CARMIL1: variants seen among roughly 807,000 people sequenced by gnomAD.
CARMIL1 encodes F-actin-uncapping protein LRRC16A.
A neutral mutation model predicts 177.1 loss-of-function variants in CARMIL1; 90 were observed. That is an observed-to-expected ratio of 0.51 (90% CI 0.43 to 0.61). CARMIL1 has a LOEUF of 0.61. Among genes scored for constraint, CARMIL1 ranks in the 20% least tolerant of loss-of-function variants. The pLI is 0.00. For synonymous variants in CARMIL1, 577 were observed against 606.2 expected (o/e 0.95, Z 0.71); for missense variants, 1,380 against 1,667.0 (o/e 0.83, Z 3.00).
chr6:25,313,630 C>G (rs1310161806), intron 2 of CARMIL1, among the ~76,000 whole-genome samples: 1 of 147,002 alleles, frequency 6.8e-6, no homozygotes, highest in South Asian at 2.2e-4. Context: ...GGACAGAGAC[C>G]TTGTATACAT....
At chr6:25,453,790 T>C (rs950528240) in intron 8 of CARMIL1, among the ~76,000 whole-genome samples, 2 of 152,164 alleles carry the variant, frequency 1.3e-5, no homozygotes, top group Non-Finnish European at 2.9e-5. Flanking sequence ...CCTGAATGAA[T>C]CTCAGGGTCC....
chr6:25,324,181 G>C (rs1784894912), intron 2 of CARMIL1, among the ~76,000 whole-genome samples: 1 of 152,210 alleles, frequency 6.6e-6, no homozygotes, highest in Non-Finnish European at 1.5e-5. Flanking sequence ...CTGCCACAGA[G>C]GGTAGCAAAT....
intron 2 of CARMIL1, among the ~76,000 whole-genome samples, chr6:25,375,598 T>A (rs886156899): frequency 6.6e-6 from 1 of 152,218 alleles, no homozygotes; most frequent in Admixed American, 6.5e-5. Context: ...ATTTTTTGCT[T>A]TCTCTTCTCC....
chr6:25,291,297 G>A (rs1410315006), intron 2 of CARMIL1, among the ~76,000 whole-genome samples: 1 of 152,068 alleles, frequency 6.6e-6, no homozygotes, highest in African/African-American at 2.4e-5. Context: ...TTAACATAAA[G>A]TATAAACTCT....
intron 26 of CARMIL1, among the ~76,000 whole-genome samples, chr6:25,546,847 C>T (rs1373854802): frequency 2.6e-5 from 4 of 151,444 alleles, no homozygotes; most frequent in Admixed American, 6.6e-5. Context: ...GTCAGGAGTT[C>T]GAGACCAGCC....
Position 25,510,813 on chromosome 6 carries a change from T to G in CARMIL1, c.1632+51T>G. On this transcript the variant is annotated intron_variant, in intron 20 of 36. Transcript: ENST00000329474. ...TAAAATCTTCTGTTTGTTGCCATTC[T>G]TACTGATTATTTCTACTGGATTAAT... 9.4e-6 allele frequency: 10 copies of G among 1,065,702 alleles called. No homozygotes were observed. In the South Asian group the frequency reaches 1.4e-4, roughly 15 times the overall value. 66.0% of individuals were successfully genotyped at this position (1,065,702 alleles called of 1,614,324 possible). A position where few individuals can be genotyped will look rare whatever the true frequency, so the allele number is the denominator to read the frequency against.
chr6:25,344,855 T>G (rs1227158896), intron 2 of CARMIL1, among the ~76,000 whole-genome samples: 1 of 152,166 alleles, frequency 6.6e-6, no homozygotes, highest in Non-Finnish European at 1.5e-5. Flanking sequence ...TTCCCTCCCT[T>G]TCCTATGTCA....
At position 25,594,515 on chromosome 6, in the gene CARMIL1, A is replaced by G. The variant is rs778648796; in HGVS notation, c.3107A>G (p.Lys1036Arg). The stretch of plus-strand genomic sequence containing the variant: ...GAATTTTTTACCAAGAAGGTGACCA[A>G]AATGGATTCCAAGTGAGTTCAGAGT... ...VDEFFTKKVT[K>R]MDSKKWSTRG... The change falls in exon 32 of 37, where the codon AAA (lysine) becomes AGA (arginine). Residue 1036 changes from lysine (K) to arginine (R), a missense_variant. Transcript: ENST00000329474. The G allele has an allele frequency of 1.9e-6, 3 of 1,598,844 alleles. No individual in the cohort carries two copies. In the African/African-American group the frequency reaches 4.0e-5, roughly 21 times the overall value.
chr6:25,517,005 CAT>C (rs1430892442), intron 21 of CARMIL1, among the ~76,000 whole-genome samples: 1 of 152,088 alleles, frequency 6.6e-6, no homozygotes, highest in Non-Finnish European at 1.5e-5. Flanking sequence ...CCACCTCAGA[CAT>C]AAATATAAGA....
chr6:25,525,167 C>T (rs1260928047), intron 23 of CARMIL1, among the ~76,000 whole-genome samples: 1 of 152,034 alleles, frequency 6.6e-6, no homozygotes, highest in Non-Finnish European at 1.5e-5. Flanking sequence ...CAAAAAAGCA[C>T]CCATAGGCAT....
chr6:25,612,878 C>T (rs1816613544), intron 36 of CARMIL1: 1 of 985,272 alleles, frequency 1.0e-6, no homozygotes, highest in Non-Finnish European at 1.2e-6. Context: ...AAGTCACAGC[C>T]AACAAATGGT....
At chr6:25,579,129 T>C (rs753154048) in intron 29 of CARMIL1, among the ~76,000 whole-genome samples, 5 of 149,744 alleles carry the variant, frequency 3.3e-5, no homozygotes, top group Non-Finnish European at 5.9e-5. Context: ...AAAATTATAA[T>C]ATATTTGAAA....
intron 2 of CARMIL1, among the ~76,000 whole-genome samples, chr6:25,350,453 G>A (rs1212328173): frequency 6.6e-6 from 1 of 152,124 alleles, no homozygotes; most frequent in East Asian, 1.9e-4. Context: ...ACCAGGCATG[G>A]GCTCCTGGGC....
intron 35 of CARMIL1, among the ~76,000 whole-genome samples, chr6:25,608,908 C>T (rs930590132): frequency 1.3e-5 from 2 of 152,186 alleles, no homozygotes; most frequent in Non-Finnish European, 2.9e-5. Context: ...CAAGGGTGTC[C>T]AGTCTTTTGG....
At chr6:25,575,691 A>C (rs749726773) in intron 29 of CARMIL1, among the ~76,000 whole-genome samples, 23 of 152,300 alleles carry the variant, frequency 1.5e-4, no homozygotes, top group Admixed American at 3.3e-4. Context: ...TCATAGAATG[A>C]GTTATATTTG....
intron 29 of CARMIL1, among the ~76,000 whole-genome samples, chr6:25,568,470 T>G (rs1238107989): frequency 6.6e-6 from 1 of 152,144 alleles, no homozygotes; most frequent in Non-Finnish European, 1.5e-5. Context: ...GCTGCAAGTT[T>G]TGGATCTAAC....
intron 22 of CARMIL1, among the ~76,000 whole-genome samples, chr6:25,518,832 A>G (rs1209574669): frequency 6.6e-6 from 1 of 152,228 alleles, no homozygotes; most frequent in Non-Finnish European, 1.5e-5. Context: ...TAAATAAACT[A>G]TGCTGGTCTG....
intron 20 of CARMIL1, among the ~76,000 whole-genome samples, chr6:25,514,873 G>A (rs1435798814): frequency 1.3e-5 from 2 of 151,818 alleles, no homozygotes; most frequent in Admixed American, 6.6e-5. Flanking sequence ...GCAGTGAGTG[G>A]TGATTGCACC....
chr6:25,368,358 C>T (rs1790056453), intron 2 of CARMIL1, among the ~76,000 whole-genome samples: 1 of 152,146 alleles, frequency 6.6e-6, no homozygotes, highest in Admixed American at 6.5e-5. Context: ...AAATGATTTC[C>T]ATTTCCCTGC....
Sources: allele counts gnomAD v4.1 joint callset (sites outside exome capture counted in the v4.1 genomes callset), GRCh38; gene constraint gnomAD v4.1.1; transcripts MANE v1.5; gene names NCBI Gene and HGNC (gene_info 2026-07-23, HGNC 2026-07-21).